Variants in VSNL1 observed in about 807,000 individuals in gnomAD.
VSNL1 encodes visinin like 1.
VSNL1 carries 6 observed loss-of-function variants against 20.4 expected under a neutral mutation model. That is an observed-to-expected ratio of 0.29 (90% CI 0.16 to 0.58). The LOEUF is 0.58. Among genes scored for constraint, VSNL1 ranks in the 20% least tolerant of loss-of-function variants. The pLI, the probability that VSNL1 is intolerant of heterozygous loss-of-function variation, is 0.90. For synonymous variants in VSNL1, 93 were observed against 86.4 expected, an observed-to-expected ratio of 1.08 and a Z score of -0.42; for missense variants, 100 against 234.5, an observed-to-expected ratio of 0.43 and a Z score of 3.75.
At chr2:17,640,234 C>T (rs1164415999) in intron 2 of VSNL1, among the ~76,000 whole-genome samples, 2 of 127,866 alleles carry the variant, frequency 1.6e-5, no homozygotes, top group African/African-American at 6.1e-5. Context: ...GCCTGGGCAA[C>T]AGAGCGAGAC....
chr2:17,558,244 T>C (rs770091089), intron 1 of VSNL1, among the ~76,000 whole-genome samples: 4 of 152,224 alleles, frequency 2.6e-5, no homozygotes, highest in African/African-American at 9.6e-5. Flanking sequence ...GAAAGAAATA[T>C]GGTTTTATAA....
chr2:17,616,322 C>CT (rs1665216079), intron 2 of VSNL1, among the ~76,000 whole-genome samples: 1 of 152,264 alleles, frequency 6.6e-6, no homozygotes. Context: ...GGCTTCTTGA[C>CT]TCTGCGTGGC....
intron 1 of VSNL1, among the ~76,000 whole-genome samples, chr2:17,578,485 A>G (rs1367143240): frequency 6.6e-6 from 1 of 152,242 alleles, no homozygotes; most frequent in Non-Finnish European, 1.5e-5. Context: ...ATGTGGAAAC[A>G]TGTCCCTTCA....
chr2:17,643,473 G>A (rs1293427491), intron 2 of VSNL1, among the ~76,000 whole-genome samples: 1 of 152,098 alleles, frequency 6.6e-6, no homozygotes, highest in Non-Finnish European at 1.5e-5. Context: ...ACTGGTCAGT[G>A]GGTAGATTTG....
intron 1 of VSNL1, among the ~76,000 whole-genome samples, chr2:17,577,071 C>T (rs1321291866): frequency 6.6e-6 from 1 of 152,220 alleles, no homozygotes; most frequent in Non-Finnish European, 1.5e-5. Flanking sequence ...GGTTACTGTA[C>T]TGAGTACTGT....
At chr2:17,643,482 T>C (rs1665927558) in intron 2 of VSNL1, among the ~76,000 whole-genome samples, 1 of 152,188 alleles carries the variant, frequency 6.6e-6, no homozygotes, top group Non-Finnish European at 1.5e-5. Context: ...TGGGTAGATT[T>C]GCCCTGTCTC....
chr2:17,623,075 C>T (rs1665423882), intron 2 of VSNL1, among the ~76,000 whole-genome samples: 2 of 152,126 alleles, frequency 1.3e-5, no homozygotes, highest in African/African-American at 4.8e-5. Flanking sequence ...AGCAATCATC[C>T]ACCACAATGA....
At chr2:17,552,372 G>A (rs976462770) in intron 1 of VSNL1, among the ~76,000 whole-genome samples, 2 of 152,106 alleles carry the variant, frequency 1.3e-5, no homozygotes, top group African/African-American at 4.8e-5. Flanking sequence ...AGGTCACATA[G>A]ATATTAAGTG....
chr2:17,650,207 G>T (rs1666095359), intron 3 of VSNL1, among the ~76,000 whole-genome samples: 1 of 152,114 alleles, frequency 6.6e-6, no homozygotes, highest in Non-Finnish European at 1.5e-5. Context: ...GCCTCTGGGG[G>T]CTCCTCCCTC....
chr2:17,591,188 G>T (rs1664586186), intron 1 of VSNL1, among the ~76,000 whole-genome samples: 1 of 152,050 alleles, frequency 6.6e-6, no homozygotes, highest in African/African-American at 2.4e-5. Flanking sequence ...TGAATAAGTT[G>T]AAGATAATGC....
At chr2:17,650,519 C>A (rs1169467477) in intron 3 of VSNL1, among the ~76,000 whole-genome samples, 1 of 152,214 alleles carries the variant, frequency 6.6e-6, no homozygotes, top group Non-Finnish European at 1.5e-5. Flanking sequence ...GATTGACTGT[C>A]TTAGCATGGG....
intron 1 of VSNL1, among the ~76,000 whole-genome samples, chr2:17,559,904 C>CTT: frequency 6.6e-6 from 1 of 152,036 alleles, no homozygotes; most frequent in South Asian, 2.1e-4. Flanking sequence ...AAACTGACAT[C>CTT]TTTTGCTGAT....
At chr2:17,565,071 A>G (rs62131523) in intron 1 of VSNL1, among the ~76,000 whole-genome samples, 3,410 of 152,238 alleles carry the variant, frequency 0.022, 52 homozygotes, top group South Asian at 0.047. Context: ...GTATTCTACC[A>G]TGTTTCCTTT....
chr2:17,617,984 T>C (rs765170841), intron 2 of VSNL1, among the ~76,000 whole-genome samples: 1 of 152,142 alleles, frequency 6.6e-6, no homozygotes, highest in Admixed American at 6.5e-5. Context: ...AGTTCAAGCA[T>C]GGCAGCACCT....
chr2:17,627,556 G>A (rs1326992284), intron 2 of VSNL1, among the ~76,000 whole-genome samples: 1 of 152,308 alleles, frequency 6.6e-6, no homozygotes, highest in South Asian at 2.1e-4. Flanking sequence ...AGTGAATCGG[G>A]AATGTTGATT....
chr2:17,635,210 G>C (rs772957106), intron 2 of VSNL1, among the ~76,000 whole-genome samples: 2 of 152,168 alleles, frequency 1.3e-5, no homozygotes, highest in East Asian at 3.9e-4. Context: ...TCTCCTAGAC[G>C]AATGCTCGGA....
At chr2:17,580,298 T>G (rs1285892274) in intron 1 of VSNL1, among the ~76,000 whole-genome samples, 2 of 152,150 alleles carry the variant, frequency 1.3e-5, no homozygotes, top group African/African-American at 4.8e-5. Flanking sequence ...CCGAGAAGCC[T>G]TGGGGAACAT....
intron 2 of VSNL1, 45 bp downstream of exon 2, chr2:17,592,281 T>G: frequency 1.3e-6 from 2 of 1,590,448 alleles, no homozygotes; most frequent in African/African-American, 1.3e-5. Flanking sequence ...GGCCAGAAAC[T>G]ATGGCCTTCA....
intron 1 of VSNL1, among the ~76,000 whole-genome samples, chr2:17,574,055 C>T (rs933617382): frequency 6.6e-6 from 1 of 152,188 alleles, no homozygotes; most frequent in Admixed American, 6.5e-5. Flanking sequence ...TGGGATTTGA[C>T]TTCACATTTT....
Sources: allele counts gnomAD v4.1 joint callset (sites outside exome capture counted in the v4.1 genomes callset), GRCh38; gene constraint gnomAD v4.1.1; transcripts MANE v1.5; gene names NCBI Gene and HGNC (gene_info 2026-07-23, HGNC 2026-07-21).